POLD2: variants seen among roughly 807,000 people sequenced by gnomAD.
POLD2 encodes DNA polymerase delta 2, accessory subunit.
A neutral mutation model predicts 48.8 loss-of-function variants in POLD2; 31 were observed. The observed-to-expected ratio is 0.64, with a 90% CI of 0.48 to 0.86. POLD2 has a LOEUF of 0.86. Ranked by LOEUF, POLD2 falls within the 40% of genes least tolerant of loss-of-function variation. The pLI is 0.00. For synonymous variants in POLD2, 233 were observed against 256.3 expected (o/e 0.91, Z 0.87); for missense variants, 455 against 610.1 (o/e 0.75, Z 2.68).
rs994457729 is a variant in POLD2, at chr7:44,116,645, C to T, written c.781-135G>A. 27 of 1,002,988 alleles carry T rather than the reference C, an allele frequency of 2.7e-5. No homozygotes were observed. Among genetic ancestry groups the T allele is most frequent in the Admixed American group, 1.1e-4 (5 of 47,422 alleles). 62.1% of individuals were successfully genotyped at this position (1,002,988 alleles called of 1,614,324 possible). Reference sequence around the variant, plus strand: ...CCTTCAAGCCTCCCACCATCCTCAGCGAGGGCCTGGGCATGAGGAGCCCCA... The same window carrying T: ...CCTTCAAGCCTCCCACCATCCTCAGTGAGGGCCTGGGCATGAGGAGCCCCA... On this transcript the variant is annotated intron_variant, in intron 6 of 10. Transcript: ENST00000610533. The surrounding 1 kb of genome is among the most constrained non-coding windows in gnomAD (Gnocchi z 6.1).
chr7:44,121,785 T>C lies in POLD2; in HGVS notation c.220+49A>G. On this transcript the variant is annotated intron_variant, in intron 2 of 10. Transcript: ENST00000610533. The surrounding 1 kb of genome is among the most constrained non-coding windows in gnomAD (Gnocchi z 4.5). ...TTCCCATTCTCTTGCAGAACACTTCTAAGTTCAGGGATGCTGTGGGGGAAG... is the reference window on the plus strand; with the variant it reads ...TTCCCATTCTCTTGCAGAACACTTCCAAGTTCAGGGATGCTGTGGGGGAAG... The C allele has an allele frequency of 6.4e-7, 1 of 1,563,122 alleles. No homozygotes were observed. Among genetic ancestry groups the C allele is most frequent in the Non-Finnish European group, 8.7e-7 (1 of 1,148,348 alleles).
chr7:44,117,485 ACCT>A (rs1334484222), intron 4 of POLD2, 131 bp downstream of exon 4: 61 of 1,132,620 alleles, frequency 5.4e-5, no homozygotes, highest in Non-Finnish European at 7.3e-5. Flanking sequence ...AGCCTCACCT[ACCT>A]CCTCAAGAAC....
chr7:44,123,395 T>A, intron 1 of POLD2, 116 bp downstream of exon 1: 1 of 1,431,266 alleles, frequency 7.0e-7, no homozygotes, highest in East Asian at 3.0e-5. Context: ...CCGGCTCGGA[T>A]CCACGCGGCA....
At chr7:44,117,538 C>G in intron 4 of POLD2, 81 bp downstream of exon 4, 1 of 1,513,886 alleles carries the variant, frequency 6.6e-7, no homozygotes, top group Non-Finnish European at 9.0e-7. Flanking sequence ...TCCCCCCAGG[C>G]TCCCCACTCA....
In POLD2 at chr7:44,123,517, G is replaced by A. The variant is rs1295904046; in HGVS notation, c.-63C>T. 5 of 1,482,354 alleles carry A rather than the reference G, an allele frequency of 3.4e-6. No individual in the cohort carries two copies. Among genetic ancestry groups the A allele is most frequent in the African/African-American group, 1.5e-5 (1 of 68,432 alleles). 91.8% of individuals were successfully genotyped at this position (1,482,354 alleles called of 1,614,324 possible). On this transcript the variant is annotated 5_prime_UTR_variant, in exon 1 of 11. Transcript: ENST00000610533. ...TTCCCTGGACCCCACTCACCGCGCGGCGCGCCGCATCCCGCCAATCCCCGC... is the reference window on the plus strand; with the variant it reads ...TTCCCTGGACCCCACTCACCGCGCGACGCGCCGCATCCCGCCAATCCCCGC...
chr7:44,115,423 A>C, intron 9 of POLD2, 27 bp from the exon 10 acceptor site: 1 of 1,405,176 alleles, frequency 7.1e-7, no homozygotes, highest in Non-Finnish European at 1.0e-6. Flanking sequence ...AGCTCTGAGG[A>C]GGGTTCCGCC....
chr7:44,121,924 G>A lies in POLD2; in HGVS notation c.130C>T (p.Arg44Cys), dbSNP rs758415306. The A allele has an allele frequency of 1.8e-5, 29 of 1,613,748 alleles. No individual in the cohort carries two copies. The highest frequency in any genetic ancestry group is 6.6e-5 in the South Asian group (6 of 91,068). ...TGGGCATACTGCCGGCTAAAGCTGC[G>A]CTCTCCTAGCCGGAAGGGTTGTGAG... The part of the protein sequence containing the change: ...NSSQPFRLGE[R>C]SFSRQYAHIY... The change falls in exon 2 of 11, where the codon CGC becomes TGC. Residue 44 changes from arginine to cysteine, a missense_variant. Around this residue, in one of 3 missense-constraint regions of POLD2, gnomAD observed 349 missense variants for 437.4 expected, o/e 0.80. Transcript: ENST00000610533. This position sits in a 1 kb window ranked among gnomAD's most constrained non-coding sequence, Gnocchi z 4.5.
rs374919349 is a variant in POLD2 at position 44,115,695 on chromosome 7, C to T, written c.1147+71G>A. On this transcript the variant is annotated intron_variant, in intron 9 of 10. Transcript: ENST00000610533. ...TGGCAAGTGCAAACCCACAGGGGGA[C>T]CCTGTGCACTTCAGGGTCCTGCCAG... The T allele has an allele frequency of 3.0e-5, 46 of 1,547,886 alleles. No individual in the cohort carries two copies. In the African/African-American group the frequency reaches 4.4e-4, roughly 15 times the overall value.
chr7:44,115,778 G>C lies in POLD2; in HGVS notation c.1135C>G (p.Pro379Ala). 6.2e-7 allele frequency: 1 copy of C among 1,613,710 alleles called. No individual in the cohort carries two copies. The highest frequency in any genetic ancestry group is 8.5e-7 in the Non-Finnish European group (1 of 1,179,942). ...LRVRHISPTA[P>A]DTLGCYPFYK... is the part of the protein sequence containing the mutation. ...CTGAGCCTGTTACCTAGAGTGTCAG[G>C]GGCTGTGGGGCTGATGTGACGGACC... The change falls in exon 9 of 11, where the codon CCT (proline) becomes GCT (alanine). Residue 379 changes from proline to alanine, a missense_variant. Pro to Ala is a conservative substitution (Grantham distance 27). Around this residue, in one of 3 missense-constraint regions of POLD2, gnomAD observed 98 missense variants for 138.6 expected, o/e 0.71. Coordinates refer to ENST00000610533, the MANE Select transcript of POLD2 (RefSeq NM_006230.4).
intron 4 of POLD2, 99 bp from the exon 5 acceptor site, chr7:44,117,346 C>G (rs1237680717): frequency 1.4e-5 from 12 of 876,386 alleles, no homozygotes; most frequent in Non-Finnish European, 2.2e-5. Flanking sequence ...TCCACAACCA[C>G]ATTGGTGAAT....
At chr7:44,115,552 C>T in intron 9 of POLD2, 156 bp from the exon 10 acceptor site, 2 of 720,698 alleles carry the variant, frequency 2.8e-6, no homozygotes, top group Non-Finnish European at 4.7e-6. Flanking sequence ...AGACCTTGGC[C>T]CTGCTGTTGC....
intron 2 of POLD2, among the ~76,000 whole-genome samples, chr7:44,118,598 C>T (rs546368126): frequency 2.0e-4 from 31 of 152,236 alleles, no homozygotes; most frequent in East Asian, 7.7e-4. Context: ...CTGCAAGCTC[C>T]GCCTCCCGGG....
At chr7:44,123,250 T>C (rs1354230665) in intron 1 of POLD2, 12 of 1,349,608 alleles carry the variant, frequency 8.9e-6, no homozygotes, top group Non-Finnish European at 9.5e-6. Context: ...GGACACAGGC[T>C]CCGCACACGT....
At position 44,121,879 on chromosome 7, in the gene POLD2, T is replaced by TGAGGCGGG; in HGVS notation, c.167_174dup (p.Ile59ProfsTer6). 3 of 1,613,258 alleles carry TGAGGCGGG rather than the reference T, an allele frequency of 1.9e-6. No individual in the cohort carries two copies. Among genetic ancestry groups the TGAGGCGGG allele is most frequent in the Non-Finnish European group, 2.5e-6 (3 of 1,179,786 alleles). ...TTCTCCAGGAAGGGTCTCATTTGGATGAGGCGGGTGGCATAAATGTGGGCA... is the reference window on the plus strand; with the variant it reads ...TTCTCCAGGAAGGGTCTCATTTGGATGAGGCGGGGAGGCGGGTGGCATAAATGTGGGCA... On this transcript the variant is annotated frameshift_variant, in exon 2 of 11. Transcript: ENST00000610533. LOFTEE classifies it high-confidence loss of function. This position sits in a 1 kb window ranked among gnomAD's most constrained non-coding sequence, Gnocchi z 4.5.
intron 2 of POLD2, among the ~76,000 whole-genome samples, chr7:44,120,107 G>A (rs2128812288): frequency 6.6e-6 from 1 of 152,344 alleles, no homozygotes; most frequent in African/African-American, 2.4e-5. Context: ...GCCACATGGA[G>A]AAGCCACATG....
chr7:44,116,847 G>A lies in POLD2; in HGVS notation c.750C>T (p.His250=), dbSNP rs1475125656. Residue 250 remains histidine (H), a synonymous_variant, in exon 6 of 11, where the codon CAC becomes CAT. Transcript: ENST00000610533. The surrounding 1 kb of genome is among the most constrained non-coding windows in gnomAD (Gnocchi z 6.1). The stretch of plus-strand genomic sequence containing the variant: ...TGATAGAATCCCTGCTCTGGGTGCT[G>A]TGGCTGAGGAGGTTGCCAGCGAGGA... ...RVILAGNLLS[H]STQSRDSINK... is the part of the protein sequence containing the mutation. 1.2e-6 allele frequency: 2 copies of A among 1,613,968 alleles called. No homozygotes were observed. The highest frequency in any genetic ancestry group is 1.7e-5 in the Admixed American group (1 of 60,028).
rs1312132172 is a variant in POLD2 at position 44,122,085 on chromosome 7, G to A, written c.-32C>T. On this transcript the variant is annotated 5_prime_UTR_variant, in exon 2 of 11. Transcript: ENST00000610533. ...ACTCCTGACTTGCTTGGTCCACACA[G>A]CTTCGCCCAGGCCAAGGAGGTTCAC... The A allele has an allele frequency of 1.2e-6, 2 of 1,607,302 alleles. No individual in the cohort carries two copies. The highest frequency in any genetic ancestry group is 3.3e-5 in the Admixed American group (2 of 59,842).
At chr7:44,122,238 G>A in intron 1 of POLD2, 129 bp from the exon 2 acceptor site, 1 of 1,425,734 alleles carries the variant, frequency 7.0e-7, no homozygotes, top group Middle Eastern at 2.6e-4. Flanking sequence ...ACCAGACATT[G>A]TGTCCACTTG....
chr7:44,115,090 C>T, intron 10 of POLD2, 145 bp from the exon 11 acceptor site: 1 of 869,234 alleles, frequency 1.2e-6, no homozygotes, highest in Non-Finnish European at 1.8e-6. Context: ...GAGAGGCACA[C>T]AGGCTGGGAG....
Sources: allele counts gnomAD v4.1 joint callset (sites outside exome capture counted in the v4.1 genomes callset), GRCh38; gene constraint gnomAD v4.1.1; regional missense constraint gnomAD v4.1.1; non-coding constraint Gnocchi (gnomAD v3.1); transcripts MANE v1.5; gene names NCBI Gene and HGNC (gene_info 2026-07-23, HGNC 2026-07-21).